DPF3: variants seen among roughly 807,000 people sequenced by gnomAD.
DPF3 encodes zinc finger protein DPF3.
Under a neutral mutation model 56.8 loss-of-function variants are expected in DPF3, and 18 were observed. That is an observed-to-expected ratio of 0.32 (90% confidence interval 0.22 to 0.47). The LOEUF is 0.47. Among genes scored for constraint, DPF3 ranks in the 20% least tolerant of loss-of-function variants. The pLI, the probability that DPF3 is intolerant of heterozygous loss-of-function variation, is 1.00. For missense variants in DPF3, 403 were observed against 488.8 expected, an observed-to-expected ratio of 0.82 and a Z score of 1.65; for synonymous variants, 188 against 180.2, an observed-to-expected ratio of 1.04 and a Z score of -0.35.
chr14:72,662,761 T>C, intron 8 of DPF3: 1 of 992,602 alleles, frequency 1.0e-6, no homozygotes, highest in African/African-American at 1.7e-5. Context: ...GTGCCAATCA[T>C]CCTGGCTTCT....
At chr14:72,806,615 A>T (rs546670877) in intron 1 of DPF3, among the ~76,000 whole-genome samples, 1 of 152,322 alleles carries the variant, frequency 6.6e-6, no homozygotes, top group Non-Finnish European at 1.5e-5. Context: ...GCACTGGGCG[A>T]AAGAACCTAT....
chr14:72,748,540 G>A (rs55818151), intron 3 of DPF3, among the ~76,000 whole-genome samples: 49,596 of 152,114 alleles, frequency 0.33, 8,707 homozygotes, highest in African/African-American at 0.46. Context: ...AAGTAATGAG[G>A]AGCCCAATAT....
chr14:72,871,741 C>T (rs1328217090), intron 1 of DPF3, among the ~76,000 whole-genome samples: 2 of 152,346 alleles, frequency 1.3e-5, no homozygotes, highest in Middle Eastern at 3.4e-3. Context: ...CAGCCTCCCT[C>T]CTGCGTACTT....
At chr14:72,874,000 C>A (rs556103939) in intron 1 of DPF3, among the ~76,000 whole-genome samples, 1 of 150,456 alleles carries the variant, frequency 6.6e-6, no homozygotes, top group Non-Finnish European at 1.5e-5. Flanking sequence ...TGCAGCACAC[C>A]AACATGGCAC....
intron 1 of DPF3, among the ~76,000 whole-genome samples, chr14:72,825,762 G>A (rs1293100843): frequency 7.2e-6 from 1 of 139,732 alleles, no homozygotes; most frequent in Non-Finnish European, 1.6e-5. Context: ...CACAGGAGAT[G>A]GCAGTTAAGA....
chr14:72,681,528 G>T (rs1887165460), intron 7 of DPF3, among the ~76,000 whole-genome samples: 1 of 152,186 alleles, frequency 6.6e-6, no homozygotes, highest in South Asian at 2.1e-4. Context: ...GCGTGTTTTG[G>T]TGACTGTAGA....
intron 1 of DPF3, among the ~76,000 whole-genome samples, chr14:72,876,472 G>T (rs551463617): frequency 6.6e-6 from 1 of 151,956 alleles, no homozygotes; most frequent in Non-Finnish European, 1.5e-5. Flanking sequence ...CTGCCAAACC[G>T]GGACTCTGCT....
chr14:72,804,850 G>C (rs1378906080), intron 1 of DPF3, among the ~76,000 whole-genome samples: 3 of 152,170 alleles, frequency 2.0e-5, no homozygotes, highest in Non-Finnish European at 2.9e-5. Flanking sequence ...GGAAGACAGA[G>C]ACAAGAAATC....
At chr14:72,664,357 T>C (rs1886355966) in intron 8 of DPF3, among the ~76,000 whole-genome samples, 1 of 152,122 alleles carries the variant, frequency 6.6e-6, no homozygotes. Flanking sequence ...CATGTATTTT[T>C]CCTTTGCCCC....
At chr14:72,641,487 G>A (rs1057174508) in intron 8 of DPF3, among the ~76,000 whole-genome samples, 3 of 152,196 alleles carry the variant, frequency 2.0e-5, no homozygotes, top group Non-Finnish European at 4.4e-5. Flanking sequence ...TCTGACCTTG[G>A]ATCGAAGATC....
chr14:72,682,502 T>C (rs1240177032), intron 7 of DPF3, among the ~76,000 whole-genome samples: 1 of 152,186 alleles, frequency 6.6e-6, no homozygotes, highest in African/African-American at 2.4e-5. Context: ...ATGAGTTTTG[T>C]CTGTTTAAGT....
chr14:72,871,246 T>C (rs1885889618), intron 1 of DPF3, among the ~76,000 whole-genome samples: 1 of 152,144 alleles, frequency 6.6e-6, no homozygotes, highest in Non-Finnish European at 1.5e-5. Flanking sequence ...CCAAACCATA[T>C]CATTCTGCCC....
intron 8 of DPF3, among the ~76,000 whole-genome samples, chr14:72,659,903 G>T (rs1023714283): frequency 6.6e-6 from 1 of 152,086 alleles, no homozygotes; most frequent in African/African-American, 2.4e-5. Flanking sequence ...ACACATCTAC[G>T]TAAATAATCC....
chr14:72,634,582 T>C (rs1053173288), intron 8 of DPF3, among the ~76,000 whole-genome samples: 1 of 152,176 alleles, frequency 6.6e-6, no homozygotes, highest in Non-Finnish European at 1.5e-5. Flanking sequence ...TTGTAATACT[T>C]ATGGTCACTT....
intron 8 of DPF3, among the ~76,000 whole-genome samples, chr14:72,630,955 G>A (rs572957349): frequency 2.6e-5 from 4 of 152,238 alleles, no homozygotes; most frequent in South Asian, 2.1e-4. Context: ...CCCCCATGGC[G>A]CCACCACCCC....
chr14:72,786,002 C>T (rs892405482), intron 1 of DPF3, among the ~76,000 whole-genome samples: 7 of 152,206 alleles, frequency 4.6e-5, no homozygotes, highest in African/African-American at 7.2e-5. Context: ...TGGCTCACGC[C>T]TGTAATGCCA....
At chr14:72,695,190 T>A (rs892181151) in intron 6 of DPF3, among the ~76,000 whole-genome samples, 3 of 152,214 alleles carry the variant, frequency 2.0e-5, no homozygotes, top group Non-Finnish European at 2.9e-5. Context: ...TTTTCTTTTA[T>A]CTGAAAATGA....
intron 9 of DPF3, among the ~76,000 whole-genome samples, chr14:72,629,203 C>T (rs905687000): frequency 1.2e-4 from 19 of 152,268 alleles, no homozygotes; most frequent in Middle Eastern, 3.4e-3. Context: ...GATATTATGA[C>T]GGAGACTATG....
chr14:72,633,140 G>T (rs903567579), intron 8 of DPF3, among the ~76,000 whole-genome samples: 4 of 152,184 alleles, frequency 2.6e-5, no homozygotes, highest in Non-Finnish European at 4.4e-5. Context: ...AAACTAGGTA[G>T]ATTGTAGATT....
Sources: gnomAD v4.1 joint callset for allele counts (sites outside exome capture counted in the v4.1 genomes callset) on GRCh38, gnomAD v4.1.1 for gene constraint, MANE v1.5 for transcripts, NCBI Gene and HGNC (gene_info 2026-07-23, HGNC 2026-07-21) for gene names.